The following SLC25A21 variants were observed in gnomAD, a reference collection of about 807,000 sequenced individuals.
SLC25A21 encodes solute carrier family 25 member 21.
In SLC25A21, 47 loss-of-function variants were observed where a neutral mutation model predicts 43.8. The observed-to-expected ratio is 1.07, with a 90% CI of 0.85 to 1.37. The LOEUF is 1.37. Ranked by LOEUF, SLC25A21 falls within the 40% of genes most tolerant of loss-of-function variation. The pLI, the probability that SLC25A21 is intolerant of heterozygous loss-of-function variation, is 0.00. For missense variants in SLC25A21, 352 were observed against 350.2 expected, an observed-to-expected ratio of 1.00 and a Z score of -0.04; for synonymous variants, 131 against 121.3, an observed-to-expected ratio of 1.08 and a Z score of -0.52.
intron 3 of SLC25A21, among the ~76,000 whole-genome samples, chr14:36,739,683 A>C (rs1885174912): frequency 8.4e-6 from 1 of 119,440 alleles, no homozygotes. Flanking sequence ...TCTAAAAAAA[A>C]AGAAAAAAAA....
At chr14:36,926,277 A>T (rs560946537) in intron 1 of SLC25A21, among the ~76,000 whole-genome samples, 2 of 152,336 alleles carry the variant, frequency 1.3e-5, no homozygotes, top group Non-Finnish European at 1.5e-5. Context: ...CCAAAGAATA[A>T]ATCATAGTGG....
chr14:36,768,251 T>G (rs2138350760), intron 3 of SLC25A21, among the ~76,000 whole-genome samples: 1 of 152,230 alleles, frequency 6.6e-6, no homozygotes, highest in Admixed American at 6.5e-5. Context: ...CCAGGTGCAG[T>G]TTGAGAACCA....
intron 1 of SLC25A21, among the ~76,000 whole-genome samples, chr14:37,163,197 C>T (rs8019950): frequency 0.38 from 57,868 of 150,894 alleles, 12,065 homozygotes; most frequent in African/African-American, 0.56. Context: ...TGCTAGATGA[C>T]GAGTTAGTGG....
intron 1 of SLC25A21, among the ~76,000 whole-genome samples, chr14:36,993,155 A>G (rs1488671585): frequency 6.6e-6 from 1 of 152,182 alleles, no homozygotes; most frequent in Non-Finnish European, 1.5e-5. Context: ...TATCTAATTA[A>G]TACTGCTATT....
chr14:36,894,610 C>G (rs1196140317), intron 1 of SLC25A21, among the ~76,000 whole-genome samples: 1 of 152,048 alleles, frequency 6.6e-6, no homozygotes, highest in African/African-American at 2.4e-5. Flanking sequence ...GCATCCCTGT[C>G]TTGTGCCAGT....
chr14:36,678,600 G>C lies in SLC25A21; in HGVS notation c.*2058C>G. ...CTCTCCTGTCATCTGAAAAACTGAT[G>C]TAAGGTACAGAACTATTCTTTATCA... On this transcript the variant is annotated 3_prime_UTR_variant, in exon 10 of 10. Coordinates refer to ENST00000331299, the MANE Select transcript of SLC25A21 (RefSeq NM_030631.4). 1 of 1,503,906 alleles carries C rather than the reference G, an allele frequency of 6.6e-7. No individual in the cohort carries two copies. Among genetic ancestry groups the C allele is most frequent in the South Asian group, 1.3e-5 (1 of 77,644 alleles). The allele number at this position is 1,503,906 out of a possible 1,614,324, so 93.2% of individuals were successfully genotyped here.
intron 3 of SLC25A21, among the ~76,000 whole-genome samples, chr14:36,799,786 A>G (rs1251074535): frequency 2.0e-5 from 3 of 152,214 alleles, no homozygotes; most frequent in African/African-American, 7.2e-5. Context: ...TTCTTTCCCT[A>G]TAGGATTGTT....
intron 1 of SLC25A21, among the ~76,000 whole-genome samples, chr14:36,883,163 T>C (rs1566706601): frequency 2.6e-5 from 4 of 152,250 alleles, no homozygotes; most frequent in Middle Eastern, 6.8e-3. Context: ...CTCCCCATTA[T>C]ATTCAGACGA....
chr14:36,982,585 C>T (rs1184762776), intron 1 of SLC25A21, among the ~76,000 whole-genome samples: 1 of 152,008 alleles, frequency 6.6e-6, no homozygotes, highest in Non-Finnish European at 1.5e-5. Flanking sequence ...GAGGCCAAGG[C>T]AGATGGATTG....
chr14:37,149,625 CAG>C (rs1963725417), intron 1 of SLC25A21, among the ~76,000 whole-genome samples: 1 of 152,074 alleles, frequency 6.6e-6, no homozygotes, highest in Non-Finnish European at 1.5e-5. Flanking sequence ...AACCGGGAGG[CAG>C]AGGTTGCAGT....
chr14:37,033,315 A>C (rs1468009747), intron 1 of SLC25A21, among the ~76,000 whole-genome samples: 1 of 152,228 alleles, frequency 6.6e-6, no homozygotes, highest in Non-Finnish European at 1.5e-5. Context: ...TAAAGGCTGA[A>C]TCACATTCCA....
chr14:36,773,023 C>A (rs907423133), intron 3 of SLC25A21, among the ~76,000 whole-genome samples: 1 of 152,114 alleles, frequency 6.6e-6, no homozygotes, highest in African/African-American at 2.4e-5. Flanking sequence ...TGCTGAACAC[C>A]GTTCAGAAGA....
At chr14:37,089,253 C>A (rs941156696) in intron 1 of SLC25A21, among the ~76,000 whole-genome samples, 37 of 151,992 alleles carry the variant, frequency 2.4e-4, no homozygotes, top group African/African-American at 8.5e-4. Flanking sequence ...TATTTTAACT[C>A]TCAAAATATG....
intron 1 of SLC25A21, among the ~76,000 whole-genome samples, chr14:36,894,245 GGTCCTTCACATCCCTTGTAA>G (rs1322495512): frequency 1.3e-5 from 2 of 152,070 alleles, no homozygotes; most frequent in African/African-American, 4.8e-5. Context: ...TCCTTGAGGA[GGTCCTTCACATCCCTTGTAA>G]GTTGGATTTC....
intron 3 of SLC25A21, among the ~76,000 whole-genome samples, chr14:36,779,373 A>G (rs1005910857): frequency 1.4e-5 from 2 of 141,728 alleles, no homozygotes; most frequent in Non-Finnish European, 3.0e-5. Flanking sequence ...ATCTCTCTCT[A>G]TATATACACA....
intron 1 of SLC25A21, among the ~76,000 whole-genome samples, chr14:37,108,615 A>T (rs1962958780): frequency 6.6e-6 from 1 of 152,140 alleles, no homozygotes; most frequent in Non-Finnish European, 1.5e-5. Flanking sequence ...CAAAGGAAGA[A>T]GTACATTGAG....
intron 1 of SLC25A21, among the ~76,000 whole-genome samples, chr14:37,146,665 T>C (rs1963670508): frequency 6.6e-6 from 1 of 152,222 alleles, no homozygotes; most frequent in African/African-American, 2.4e-5. Flanking sequence ...CAATTAGTAT[T>C]ATGCATTCAT....
At chr14:37,008,024 A>T (rs6571771) in intron 1 of SLC25A21, among the ~76,000 whole-genome samples, 16 of 151,572 alleles carry the variant, frequency 1.1e-4, no homozygotes, top group African/African-American at 3.6e-4. Flanking sequence ...GCAGGCAACC[A>T]CTACTACGGC....
intron 2 of SLC25A21, among the ~76,000 whole-genome samples, chr14:36,843,617 TA>T (rs34889659): frequency 0.32 from 49,069 of 152,036 alleles, 8,642 homozygotes; most frequent in Admixed American, 0.42. Flanking sequence ...CACTTGAAAC[TA>T]AGTTGAAGAC....
Sources: allele counts gnomAD v4.1 joint callset (sites outside exome capture counted in the v4.1 genomes callset), GRCh38; gene constraint gnomAD v4.1.1; transcripts MANE v1.5; gene names NCBI Gene and HGNC (gene_info 2026-07-23, HGNC 2026-07-21).